Variants in SLC13A4 observed in about 807,000 individuals in gnomAD.
The protein encoded by SLC13A4 is solute carrier family 13 member 4.
Under a neutral mutation model 72.7 loss-of-function variants are expected in SLC13A4, and 28 were observed. The observed-to-expected ratio is 0.39, with a 90% confidence interval of 0.29 to 0.53. The LOEUF is 0.53. Among genes scored for constraint, SLC13A4 ranks in the 20% least tolerant of loss-of-function variants. SLC13A4 has a pLI of 0.78. For missense variants in SLC13A4, 653 were observed against 788.0 expected (o/e 0.83, Z 2.05); for synonymous variants, 312 against 325.5 (o/e 0.96, Z 0.45).
In SLC13A4 at chr7:135,694,180, C is replaced by G. The variant is rs200383958; in HGVS notation, c.1078G>C (p.Glu360Gln). Reference sequence around the variant, plus strand: ...TCATATTCTTCTTGGATCCTCTTCTCTGACAACTGTTCCCTTTTGGTCTTC... The same window carrying G: ...TCATATTCTTCTTGGATCCTCTTCTGTGACAACTGTTCCCTTTTGGTCTTC... The part of the protein sequence containing the change: ...KKKTKREQLS[E>Q]KRIQEEYEKL... The change falls in exon 10 of 16, where the codon GAG (glutamate) becomes CAG (glutamine). Residue 360 changes from glutamate to glutamine, a missense_variant. Transcript: ENST00000682651. 1 of 1,613,562 alleles carries G rather than the reference C, an allele frequency of 6.2e-7. No homozygotes were observed. The highest frequency in any genetic ancestry group is 8.5e-7 in the Non-Finnish European group (1 of 1,179,486).
chr7:135,702,808 A>G (rs777005617), intron 6 of SLC13A4, 37 bp downstream of exon 6: 17 of 1,587,754 alleles, frequency 1.1e-5, no homozygotes. Context: ...GGGATTTTCA[A>G]GTGATTCCAA....
intron 2 of SLC13A4, among the ~76,000 whole-genome samples, chr7:135,714,396 G>A (rs1207465509): frequency 6.6e-6 from 1 of 152,190 alleles, no homozygotes; most frequent in Non-Finnish European, 1.5e-5. Flanking sequence ...TGGGCTCTGA[G>A]CCACGAGCCA....
At chr7:135,692,698 A>T (rs1795817892) in intron 10 of SLC13A4, 1 of 369,146 alleles carries the variant, frequency 2.7e-6, no homozygotes, top group African/African-American at 2.1e-5. Context: ...AATACAGCCT[A>T]CAAGGAGAGT....
At chr7:135,717,024 G>C (rs1471966113) in intron 2 of SLC13A4, among the ~76,000 whole-genome samples, 1 of 152,140 alleles carries the variant, frequency 6.6e-6, no homozygotes, top group Non-Finnish European at 1.5e-5. Flanking sequence ...GTCTCTTCCT[G>C]TCCGCATGTC....
chr7:135,698,381 C>T (rs1050013515), intron 8 of SLC13A4, among the ~76,000 whole-genome samples: 1 of 130,516 alleles, frequency 7.7e-6, no homozygotes, highest in Non-Finnish European at 1.6e-5. Context: ...GTTGCCCAGG[C>T]TGGAGTGCAG....
At chr7:135,701,160 A>C (rs78294905) in intron 7 of SLC13A4, among the ~76,000 whole-genome samples, 1 of 152,240 alleles carries the variant, frequency 6.6e-6, no homozygotes, top group Non-Finnish European at 1.5e-5. Context: ...TAAGCATTTA[A>C]TAAATGGTGG....
chr7:135,701,620 T>C, intron 7 of SLC13A4, 60 bp downstream of exon 7: 1 of 1,537,312 alleles, frequency 6.5e-7, no homozygotes, highest in Non-Finnish European at 9.0e-7. Context: ...CCAGTGCCCT[T>C]GGGAAGCAGT....
chr7:135,683,479 T>TCC, intron 15 of SLC13A4: 1 of 976,174 alleles, frequency 1.0e-6, no homozygotes, highest in Non-Finnish European at 1.2e-6. Context: ...TTCCATCCTC[T>TCC]CCCCCCCCGC....
Position 135,695,456 on chromosome 7 carries a change from C to T in SLC13A4, c.931G>A (p.Gly311Ser). The T allele has an allele frequency of 6.2e-7, 1 of 1,614,112 alleles. No individual in the cohort carries two copies. The change falls in exon 9 of 16, where the codon GGC (glycine) becomes AGC (serine). Residue 311 changes from glycine to serine, a missense_variant. Transcript: ENST00000682651. ...GGGAAGCTGAAGAGGAACCAGGTGC[C>T]AAAGTTCACCACCTCTGCGGCTGGA... ...QYPAAEVVNF[G>S]TWFLFSFPIS...
intron 13 of SLC13A4, among the ~76,000 whole-genome samples, chr7:135,688,268 G>T (rs1795686427): frequency 6.6e-6 from 1 of 150,618 alleles, no homozygotes; most frequent in Admixed American, 6.6e-5. Context: ...GATCCACTGT[G>T]CCCAGTCCCT....
At chr7:135,692,611 C>T (rs1257156765) in intron 10 of SLC13A4, 187 bp from the exon 11 acceptor site, 2 of 569,804 alleles carry the variant, frequency 3.5e-6, no homozygotes, top group Non-Finnish European at 6.2e-6. Flanking sequence ...GAAAACATGA[C>T]ATTAACCATG....
At position 135,684,017 on chromosome 7, in the gene SLC13A4, C is replaced by T. The variant is rs188879616; in HGVS notation, c.1746+107G>A. The T allele has an allele frequency of 1.6e-5, 21 of 1,301,180 alleles. No individual in the cohort carries two copies. In the Admixed American group the frequency reaches 4.5e-4, roughly 28 times the overall value. 80.6% of individuals were successfully genotyped at this position (1,301,180 alleles called of 1,614,324 possible). On this transcript the variant is annotated intron_variant, in intron 15 of 15. Transcript: ENST00000682651. ...GCTACCACACTGGGTTTAGCATTGACAGGCCAGGGACACTGCTACAAAATA... is the reference window on the plus strand; with the variant it reads ...GCTACCACACTGGGTTTAGCATTGATAGGCCAGGGACACTGCTACAAAATA...
intron 13 of SLC13A4, among the ~76,000 whole-genome samples, chr7:135,688,575 T>C (rs1795694105): frequency 6.6e-6 from 1 of 152,108 alleles, no homozygotes; most frequent in Non-Finnish European, 1.5e-5. Context: ...TGAAATAATT[T>C]ATTGGCAATT....
chr7:135,698,868 C>T (rs1044420155), intron 8 of SLC13A4, among the ~76,000 whole-genome samples: 14 of 151,406 alleles, frequency 9.2e-5, no homozygotes, highest in African/African-American at 3.2e-4. Flanking sequence ...ATCCTGACCT[C>T]GTGATGCGCC....
chr7:135,715,500 T>C (rs1389265296), intron 2 of SLC13A4, among the ~76,000 whole-genome samples: 1 of 149,720 alleles, frequency 6.7e-6, no homozygotes, highest in African/African-American at 2.5e-5. Flanking sequence ...AGTGGGTGTG[T>C]AGGAGTGTGT....
rs576112720 is a variant in SLC13A4, at chr7:135,725,876, C to T, written c.99+1522G>A. Among the ~76,000 whole-genome samples the T allele has an allele frequency of 2.4e-3, 368 of 152,202 alleles. 1 individual carries two copies. Among genetic ancestry groups the T allele is most frequent in the African/African-American group, 7.9e-3 (326 of 41,506 alleles). On this transcript the variant is annotated intron_variant, in intron 1 of 15. Coordinates refer to ENST00000682651, the MANE Select transcript of SLC13A4 (RefSeq NM_001318192.2). ...CCCAGCTACTCCAGAGGCTGAGGCA[C>T]GAGGATTGCTTAACCCCAGGAGCTC...
chr7:135,710,867 A>G (rs1796284814), intron 2 of SLC13A4, among the ~76,000 whole-genome samples: 2 of 152,058 alleles, frequency 1.3e-5, no homozygotes, highest in African/African-American at 4.8e-5. Context: ...GTTTGTCTCT[A>G]AGCCCATTCC....
intron 9 of SLC13A4, 148 bp downstream of exon 9, chr7:135,695,220 C>G: frequency 1.0e-6 from 1 of 1,001,416 alleles, no homozygotes; most frequent in South Asian, 1.7e-5. Context: ...CAGCACCTGA[C>G]TCTCAGACCA....
At chr7:135,719,095 G>A (rs1330605876) in intron 2 of SLC13A4, among the ~76,000 whole-genome samples, 2 of 152,206 alleles carry the variant, frequency 1.3e-5, no homozygotes, top group African/African-American at 4.8e-5. Flanking sequence ...CGTGCTTTCT[G>A]GCTCCTCCAG....
Sources: allele counts gnomAD v4.1 joint callset (sites outside exome capture counted in the v4.1 genomes callset), GRCh38; gene constraint gnomAD v4.1.1; transcripts MANE v1.5; gene names NCBI Gene and HGNC (gene_info 2026-07-23, HGNC 2026-07-21).